HMGB1: variants seen among roughly 807,000 people sequenced by gnomAD.
HMGB1 encodes the protein high mobility group box 1, also known as high mobility group protein B1.
For synonymous variants in HMGB1, 81 were observed against 84.0 expected (o/e 0.96, Z 0.19); for missense variants, 79 against 253.5 (o/e 0.31, Z 4.67).
chr13:30,568,882 A>C (rs184342435), intron 1 of HMGB1, among the ~76,000 whole-genome samples: 3 of 152,288 alleles, frequency 2.0e-5, no homozygotes, highest in Admixed American at 6.5e-5. Flanking sequence ...ACAGTATAAA[A>C]AAATAAAAAT....
In HMGB1 at chr13:30,534,616, C is replaced by CTTT. The variant is rs1216929821; in HGVS notation, c.-14-70925_-14-70923dup. 6.8e-3 allele frequency among the ~76,000 whole-genome samples: 844 copies of CTTT among 124,652 alleles called. 12 individuals carry two copies. Among genetic ancestry groups the CTTT allele is most frequent in the African/African-American group, 0.02 (671 of 32,956 alleles). 81.8% of individuals were successfully genotyped at this position (124,652 alleles called of 152,430 possible). A position where few individuals can be genotyped will look rare whatever the true frequency, so the allele number is the denominator to read the frequency against. ...TAACTCTAGCCTATGGTTCAAGCTG[C>CTTT]TTTTTTTTTTTTTTTTTTTTGACAC... On this transcript the variant is annotated intron_variant, in intron 1 of 4. Transcript: ENST00000405805.
chr13:30,526,915 G>A (rs1298844333), intron 1 of HMGB1, among the ~76,000 whole-genome samples: 1 of 152,218 alleles, frequency 6.6e-6, no homozygotes, highest in East Asian at 1.9e-4. Flanking sequence ...TCAGCCTGAG[G>A]TCCGTGCTCC....
rs542920989 is a variant in HMGB1, at chr13:30,459,495, TGA to T, written c.*1860_*1861del. The T allele has an allele frequency of 1.9e-4, 29 of 152,180 alleles. No homozygotes were observed. Among genetic ancestry groups the T allele is most frequent in the South Asian group, 1.9e-3 (9 of 4,818 alleles). The allele number at this position is 152,180 out of a possible 1,614,324, so 9.4% of individuals were successfully genotyped here. On this transcript the variant is annotated 3_prime_UTR_variant, in exon 5 of 5. Coordinates refer to ENST00000341423, the MANE Select transcript of HMGB1 (RefSeq NM_002128.7). ...GTAGAAACTTCCATCTAAATCAGAT[TGA>T]GTCATTTGCTCCTCTTAACAAAAAA...
chr13:30,554,378 G>A, intron 1 of HMGB1: 1 of 842,188 alleles, frequency 1.2e-6, no homozygotes, highest in Non-Finnish European at 2.1e-6. Context: ...TGTTTTGATG[G>A]GAAAAGGAGA....
rs1190158635 is a variant in HMGB1, at chr13:30,460,274, A to AGCTG, written c.*1079_*1082dup. On this transcript the variant is annotated 3_prime_UTR_variant, in exon 5 of 5. Coordinates refer to ENST00000341423, the MANE Select transcript of HMGB1 (RefSeq NM_002128.7). ...TTGAATGTGGCATCTTTGTTTGAAAAGCTGGCCCAATTAATTAAAAATACT... is the reference window on the plus strand; with the variant it reads ...TTGAATGTGGCATCTTTGTTTGAAAAGCTGGCTGGCCCAATTAATTAAAAATACT... 2 of 149,028 alleles carry AGCTG rather than the reference A, an allele frequency of 1.3e-5. No individual in the cohort carries two copies. Among genetic ancestry groups the AGCTG allele is most frequent in the Non-Finnish European group, 3.0e-5 (2 of 67,482 alleles). 9.2% of individuals were successfully genotyped at this position (149,028 alleles called of 1,614,324 possible).
intron 1 of HMGB1, among the ~76,000 whole-genome samples, chr13:30,486,891 G>A (rs1262506264): frequency 6.6e-6 from 1 of 152,216 alleles, no homozygotes; most frequent in Non-Finnish European, 1.5e-5. Context: ...GATACAGTCT[G>A]CTGCAGAGGA....
chr13:30,463,725 C>A, intron 1 of HMGB1, 31 bp from the exon 2 acceptor site: 1 of 1,410,736 alleles, frequency 7.1e-7, no homozygotes, highest in South Asian at 1.3e-5. Flanking sequence ...TTGATGTTAG[C>A]AATAAAATTA....
At chr13:30,480,051 T>C (rs576041898) in intron 1 of HMGB1, among the ~76,000 whole-genome samples, 4 of 152,334 alleles carry the variant, frequency 2.6e-5, no homozygotes, top group Admixed American at 2.6e-4. Context: ...ACACTGTTTC[T>C]CTGGCCTGTA....
intron 1 of HMGB1, among the ~76,000 whole-genome samples, chr13:30,536,073 T>G (rs1393586952): frequency 6.6e-6 from 1 of 152,168 alleles, no homozygotes; most frequent in Non-Finnish European, 1.5e-5. Context: ...ACTACAGAAC[T>G]AGATAAAAAA....
At chr13:30,583,864 AAAG>A (rs1871026516) in intron 1 of HMGB1, among the ~76,000 whole-genome samples, 1 of 150,622 alleles carries the variant, frequency 6.6e-6, no homozygotes, top group Admixed American at 6.6e-5. Flanking sequence ...AGAAAGAAAG[AAAG>A]AAGAAATCCT....
chr13:30,583,809 G>A (rs1482497105), intron 1 of HMGB1, among the ~76,000 whole-genome samples: 1 of 137,430 alleles, frequency 7.3e-6, no homozygotes, highest in Non-Finnish European at 1.5e-5. Flanking sequence ...GTGACAGAGC[G>A]AGCGAGACTC....
intron 1 of HMGB1, among the ~76,000 whole-genome samples, chr13:30,474,959 G>GTTTGTTTTTTTTTTTTTTTTTTT (rs1224684054): frequency 1.6e-5 from 1 of 64,032 alleles, no homozygotes; most frequent in Non-Finnish European, 2.6e-5. Context: ...TTCTTTTTTT[G>GTTTGTTTTTTTTTTTTTTTTTTT]TTTTTTTTTT....
chr13:30,605,575 C>T (rs948098944), intron 1 of HMGB1, among the ~76,000 whole-genome samples: 4 of 152,138 alleles, frequency 2.6e-5, no homozygotes, highest in Admixed American at 6.5e-5. Flanking sequence ...AGGCCAATGC[C>T]GACGTGGAAA....
At chr13:30,486,261 C>T (rs1324839114) in intron 1 of HMGB1, among the ~76,000 whole-genome samples, 1 of 152,212 alleles carries the variant, frequency 6.6e-6, no homozygotes, top group Non-Finnish European at 1.5e-5. Flanking sequence ...TTTCTTACTC[C>T]CTCAAGCTCG....
chr13:30,459,500 C>T lies in HMGB1; in HGVS notation c.*1857G>A, dbSNP rs1368378904. On this transcript the variant is annotated 3_prime_UTR_variant, in exon 5 of 5. Coordinates refer to ENST00000341423, the MANE Select transcript of HMGB1 (RefSeq NM_002128.7). ...AACTTCCATCTAAATCAGATTGAGT[C>T]ATTTGCTCCTCTTAACAAAAAATCT... is the stretch of plus-strand genomic sequence containing the variant. 1.3e-5 allele frequency: 2 copies of T among 151,950 alleles called. No individual in the cohort carries two copies. The highest frequency in any genetic ancestry group is 2.9e-5 in the Non-Finnish European group (2 of 67,958). The allele number at this position is 151,950 out of a possible 1,614,324, so 9.4% of individuals were successfully genotyped here.
intron 1 of HMGB1, among the ~76,000 whole-genome samples, chr13:30,577,749 G>A (rs1426466566): frequency 1.3e-5 from 2 of 152,188 alleles, no homozygotes; most frequent in Non-Finnish European, 2.9e-5. Flanking sequence ...TCAACAAGGC[G>A]ATACATGCAT....
intron 1 of HMGB1, among the ~76,000 whole-genome samples, chr13:30,503,451 TAAATAATA>T (rs1887781764): frequency 7.9e-6 from 1 of 126,460 alleles, no homozygotes; most frequent in South Asian, 2.7e-4. Context: ...AATATATGAA[TAAATAATA>T]AAATAAATCA....
intron 1 of HMGB1, among the ~76,000 whole-genome samples, chr13:30,573,650 CT>C (rs774433276): frequency 2.5e-3 from 328 of 132,374 alleles, no homozygotes; most frequent in Middle Eastern, 3.9e-3. Flanking sequence ...CTAGCATTTT[CT>C]TTTTTTTTTT....
In HMGB1 at chr13:30,528,268, CCTT is replaced by C. The variant is rs554926995; in HGVS notation, c.-14-64577_-14-64575del. ...AGGTGCAGTGATCTTGAGCCATTTA[CCTT>C]CTTTCATGGCCAACCACAACCAACT... On this transcript the variant is annotated intron_variant, in intron 1 of 4. Transcript: ENST00000405805. 1.6e-4 allele frequency among the ~76,000 whole-genome samples: 24 copies of C among 152,258 alleles called. No individual in the cohort carries two copies. The East Asian group carries it at 4.2e-3, about 27-fold the overall frequency.
Sources: allele counts gnomAD v4.1 joint callset (sites outside exome capture counted in the v4.1 genomes callset), GRCh38; gene constraint gnomAD v4.1.1; transcripts MANE v1.5; gene names NCBI Gene and HGNC (gene_info 2026-07-23, HGNC 2026-07-21).